The following ALKBH3 variants were observed in gnomAD, a reference collection of about 807,000 sequenced individuals.
ALKBH3 encodes alkB homolog 3, alpha-ketoglutarate dependent dioxygenase.
In ALKBH3, 51 loss-of-function variants were observed where a neutral mutation model predicts 43.9. The observed-to-expected ratio is 1.16, with a 90% CI of 0.93 to 1.47. The LOEUF (loss-of-function observed/expected upper bound fraction) is 1.47, where lower values mean the gene tolerates loss of function less well. ALKBH3 is among the 40% of genes most tolerant of loss of function. ALKBH3 has a pLI of 0.00. For synonymous variants in ALKBH3, 102 were observed against 115.2 expected (o/e 0.89, Z 0.73); for missense variants, 361 against 351.9 (o/e 1.03, Z -0.21).
intron 9 of ALKBH3, 24 bp from the exon 10 acceptor site, chr11:43,919,894 A>T (rs1348286341): frequency 6.3e-7 from 1 of 1,596,984 alleles, no homozygotes; most frequent in Non-Finnish European, 8.6e-7. Context: ...TATTTATGTC[A>T]GAGTTATGTG....
chr11:43,884,346 A>G (rs1951733487), intron 4 of ALKBH3, among the ~76,000 whole-genome samples: 1 of 148,784 alleles, frequency 6.7e-6, no homozygotes, highest in African/African-American at 2.5e-5. Context: ...TCATTGAAGC[A>G]TGGTTCTTTG....
intron 8 of ALKBH3, among the ~76,000 whole-genome samples, chr11:43,911,279 A>G (rs1443976372): frequency 6.6e-6 from 1 of 152,238 alleles, no homozygotes; most frequent in Non-Finnish European, 1.5e-5. Flanking sequence ...ATGAATCAAC[A>G]GAACTTGCCA....
In ALKBH3 at chr11:43,901,624, T is replaced by C; in HGVS notation, c.568T>C (p.Trp190Arg). 1 of 1,614,272 alleles carries C rather than the reference T, an allele frequency of 6.2e-7. No homozygotes were observed. The highest frequency in any genetic ancestry group is 1.1e-5 in the South Asian group (1 of 91,090). Residue 190 changes from tryptophan to arginine, a missense_variant, in exon 8 of 10, where the codon TGG (tryptophan) becomes CGG (arginine). Transcript: ENST00000302708. Reference sequence around the variant, plus strand: ...TCGCAATGAGAAGGACAGCGTGGACTGGCACAGTGATGATGAACCCTCACT... The same window carrying C: ...TCGCAATGAGAAGGACAGCGTGGACCGGCACAGTGATGATGAACCCTCACT... ...LYRNEKDSVD[W>R]HSDDEPSLGR...
intron 3 of ALKBH3, 59 bp from the exon 4 acceptor site, chr11:43,883,924 G>C: frequency 6.3e-7 from 1 of 1,592,988 alleles, no homozygotes; most frequent in Admixed American, 1.7e-5. Context: ...GATATGGTAA[G>C]TCAGTATCCT....
intron 7 of ALKBH3, among the ~76,000 whole-genome samples, chr11:43,900,598 C>T (rs949935704): frequency 8.5e-5 from 13 of 152,108 alleles, no homozygotes; most frequent in Admixed American, 3.3e-4. Context: ...TAAAAACTGA[C>T]GGCTGTAACC....
intron 4 of ALKBH3, among the ~76,000 whole-genome samples, chr11:43,886,163 T>A (rs1219724563): frequency 1.3e-5 from 2 of 152,130 alleles, no homozygotes; most frequent in Non-Finnish European, 2.9e-5. Context: ...CATTGAAGGA[T>A]TTTAATCAGA....
intron 6 of ALKBH3, among the ~76,000 whole-genome samples, chr11:43,890,317 T>G (rs1310362324): frequency 1.3e-5 from 2 of 152,178 alleles, no homozygotes; most frequent in Non-Finnish European, 2.9e-5. Flanking sequence ...CCTGAGCTTG[T>G]AAAAGTGACA....
intron 3 of ALKBH3, among the ~76,000 whole-genome samples, chr11:43,883,510 A>G (rs3817364): frequency 0.24 from 36,413 of 152,100 alleles, 4,861 homozygotes; most frequent in Admixed American, 0.4. Flanking sequence ...GCACTTCACC[A>G]TCTTTGGAAT....
chr11:43,902,421 T>A (rs1280421805), intron 8 of ALKBH3, among the ~76,000 whole-genome samples: 6 of 152,226 alleles, frequency 3.9e-5, no homozygotes, highest in Admixed American at 6.5e-5. Flanking sequence ...ATTAATTTTT[T>A]AAAAAATCAA....
At chr11:43,918,644 G>A (rs1007015152) in intron 8 of ALKBH3, among the ~76,000 whole-genome samples, 14 of 152,206 alleles carry the variant, frequency 9.2e-5, no homozygotes, top group African/African-American at 3.4e-4. Flanking sequence ...CACAACATCA[G>A]TCAGATGTAA....
In ALKBH3 at chr11:43,880,975, T is replaced by C. The variant is rs35533455; in HGVS notation, c.-275T>C. The C allele has an allele frequency of 0.025, 3,876 of 152,246 alleles. 91 individuals carry two copies. Among genetic ancestry groups the C allele is most frequent in the African/African-American group, 0.063 (2,603 of 41,494 alleles). The allele number at this position is 152,246 out of a possible 1,614,324, so 9.4% of individuals were successfully genotyped here. On this transcript the variant is annotated 5_prime_UTR_variant, in exon 1 of 10. Coordinates refer to ENST00000302708, the MANE Select transcript of ALKBH3 (RefSeq NM_139178.4). ...ACTGCTGGGTGCGCGGGGCTGGGGG[T>C]GCGAGTACCACCCCTGAAGTCTCTT... is the stretch of plus-strand genomic sequence containing the variant.
chr11:43,886,184 C>T (rs1281370541), intron 4 of ALKBH3, among the ~76,000 whole-genome samples: 2 of 152,138 alleles, frequency 1.3e-5, no homozygotes, highest in Non-Finnish European at 2.9e-5. Context: ...AGAGGAACCT[C>T]ATCAGATGTG....
At chr11:43,882,767 A>T (rs757036633) in intron 2 of ALKBH3, 36 bp downstream of exon 2, 1 of 1,570,366 alleles carries the variant, frequency 6.4e-7, no homozygotes, top group Admixed American at 1.9e-5. Flanking sequence ...GTGTGTGGAT[A>T]TGGACAACTC....
chr11:43,894,717 T>A (rs1314091854), intron 7 of ALKBH3, among the ~76,000 whole-genome samples: 1 of 152,248 alleles, frequency 6.6e-6, no homozygotes, highest in Non-Finnish European at 1.5e-5. Flanking sequence ...AATTCTAGCA[T>A]CTGATCTTTA....
intron 4 of ALKBH3, 103 bp from the exon 5 acceptor site, chr11:43,886,501 CTT>C: frequency 1.8e-6 from 2 of 1,084,060 alleles, no homozygotes; most frequent in Non-Finnish European, 2.8e-6. Context: ...AACTAAATGA[CTT>C]TGGTGAGCCA....
intron 8 of ALKBH3, chr11:43,917,000 C>G (rs1044443583): frequency 2.6e-5 from 4 of 152,232 alleles, no homozygotes; most frequent in African/African-American, 9.6e-5. Flanking sequence ...GATATCACTT[C>G]TCACAGAGGG....
chr11:43,918,533 T>G (rs1952001432), intron 8 of ALKBH3, among the ~76,000 whole-genome samples: 1 of 152,192 alleles, frequency 6.6e-6, no homozygotes, highest in Non-Finnish European at 1.5e-5. Context: ...TAGGTGCCAA[T>G]TAGTAAATTA....
intron 7 of ALKBH3, chr11:43,899,463 C>A: frequency 1.4e-6 from 1 of 702,834 alleles, no homozygotes. Flanking sequence ...TTCAGAGGTT[C>A]CATGACGAGC....
At chr11:43,919,863 A>C in intron 9 of ALKBH3, 55 bp from the exon 10 acceptor site, 1 of 1,493,950 alleles carries the variant, frequency 6.7e-7, no homozygotes, top group Non-Finnish European at 9.3e-7. Context: ...AGTCGCTTTG[A>C]ACTAAAAGTG....
Sources: gnomAD v4.1 joint callset for allele counts (sites outside exome capture counted in the v4.1 genomes callset) on GRCh38, gnomAD v4.1.1 for gene constraint, MANE v1.5 for transcripts, NCBI Gene and HGNC (gene_info 2026-07-23, HGNC 2026-07-21) for gene names.